The following ARHGAP24 variants were observed in gnomAD, a reference collection of about 807,000 sequenced individuals.
ARHGAP24 encodes Rho GTPase activating protein 24.
ARHGAP24 carries 50 observed loss-of-function variants against 76.4 expected under a neutral mutation model. That is an observed-to-expected ratio of 0.65 (90% confidence interval 0.52 to 0.83). The LOEUF (loss-of-function observed/expected upper bound fraction) is 0.83, where lower values mean the gene tolerates loss of function less well. Ranked by LOEUF, ARHGAP24 falls within the 40% of genes least tolerant of loss-of-function variation. The pLI is 0.00. For synonymous variants in ARHGAP24, 345 were observed against 323.3 expected (o/e 1.07, Z -0.72); for missense variants, 930 against 914.2 (o/e 1.02, Z -0.22).
intron 8 of ARHGAP24, among the ~76,000 whole-genome samples, chr4:85,992,377 A>G (rs981255017): frequency 1.3e-5 from 2 of 152,086 alleles, no homozygotes; most frequent in African/African-American, 4.8e-5. Flanking sequence ...TAGGGACCTG[A>G]CACTCATACT....
chr4:85,751,766 A>G (rs1726274990), intron 3 of ARHGAP24, among the ~76,000 whole-genome samples: 3 of 152,318 alleles, frequency 2.0e-5, no homozygotes, highest in East Asian at 3.9e-4. Context: ...TGAAAGCACC[A>G]TTATAGGAAT....
At chr4:85,625,156 G>C (rs1720893673) in intron 2 of ARHGAP24, among the ~76,000 whole-genome samples, 1 of 152,036 alleles carries the variant, frequency 6.6e-6, no homozygotes, top group African/African-American at 2.4e-5. Flanking sequence ...TCTTTTAATT[G>C]TGATGTTAGG....
At chr4:85,479,934 T>C (rs1430540828) in intron 1 of ARHGAP24, among the ~76,000 whole-genome samples, 1 of 152,178 alleles carries the variant, frequency 6.6e-6, no homozygotes, top group East Asian at 1.9e-4. Flanking sequence ...AAAGCTCAAG[T>C]TCCTCCTTAT....
At chr4:85,915,746 G>A (rs1253340451) in intron 3 of ARHGAP24, among the ~76,000 whole-genome samples, 1 of 152,184 alleles carries the variant, frequency 6.6e-6, no homozygotes, top group African/African-American at 2.4e-5. Flanking sequence ...CAAAGGAAAT[G>A]AACTCATCCT....
At chr4:85,929,196 C>T (rs1362441126) in intron 4 of ARHGAP24, among the ~76,000 whole-genome samples, 1 of 152,194 alleles carries the variant, frequency 6.6e-6, no homozygotes, top group African/African-American at 2.4e-5. Flanking sequence ...TGCTGAGTTA[C>T]ACTTTGTGGT....
rs368732992 is a variant in ARHGAP24, at chr4:85,694,555, A to T, written c.181-27330A>T. On this transcript the variant is annotated intron_variant, in intron 2 of 9. Coordinates refer to ENST00000395184, the MANE Select transcript of ARHGAP24 (RefSeq NM_001025616.3). Reference sequence around the variant, plus strand: ...TAGTACTAGTAGCATTAATTTTTATAATCTCTAAATGACTAGAAAATGTTT... The same window carrying T: ...TAGTACTAGTAGCATTAATTTTTATTATCTCTAAATGACTAGAAAATGTTT... Among the ~76,000 whole-genome samples the T allele has an allele frequency of 2.0e-3, 308 of 152,256 alleles. 3 individuals carry two copies. Among genetic ancestry groups the T allele is most frequent in the Middle Eastern group, 0.014 (4 of 294 alleles).
chr4:85,673,664 A>T (rs763471837), intron 2 of ARHGAP24, among the ~76,000 whole-genome samples: 5 of 145,416 alleles, frequency 3.4e-5, no homozygotes, highest in Non-Finnish European at 7.6e-5. Context: ...CATCCTCTCA[A>T]TGCTTAGATC....
intron 9 of ARHGAP24, among the ~76,000 whole-genome samples, chr4:85,997,345 G>GAT (rs1553952396): frequency 9.8e-4 from 122 of 124,408 alleles, no homozygotes; most frequent in Non-Finnish European, 1.4e-3. Flanking sequence ...GATAGATAGA[G>GAT]AGATAGATAA....
At chr4:85,730,107 C>CAA (rs2110051095) in intron 3 of ARHGAP24, among the ~76,000 whole-genome samples, 1 of 152,258 alleles carries the variant, frequency 6.6e-6, no homozygotes, top group East Asian at 1.9e-4. Context: ...AATATCTATG[C>CAA]TTTAAATCAC....
chr4:85,792,151 A>T (rs11342925), intron 3 of ARHGAP24, among the ~76,000 whole-genome samples: 3 of 83,638 alleles, frequency 3.6e-5, no homozygotes, highest in Admixed American at 1.0e-4. Context: ...GCTTTTTTTT[A>T]AATGAGCTTG....
intron 2 of ARHGAP24, among the ~76,000 whole-genome samples, chr4:85,638,072 A>G (rs1721390756): frequency 6.6e-6 from 1 of 152,102 alleles, no homozygotes; most frequent in Non-Finnish European, 1.5e-5. Flanking sequence ...CAGGCCAGGA[A>G]TATGGCAAAG....
At chr4:85,803,970 G>T (rs1165522123) in intron 3 of ARHGAP24, among the ~76,000 whole-genome samples, 7 of 138,248 alleles carry the variant, frequency 5.1e-5, no homozygotes, top group Non-Finnish European at 1.5e-5. Flanking sequence ...TTTTTTCCTC[G>T]AGATGAAGTC....
chr4:85,696,990 C>G (rs947411301), intron 2 of ARHGAP24, among the ~76,000 whole-genome samples: 2 of 152,030 alleles, frequency 1.3e-5, no homozygotes, highest in African/African-American at 4.8e-5. Context: ...GGGATATAAT[C>G]GTGAGCAATA....
intron 5 of ARHGAP24, among the ~76,000 whole-genome samples, chr4:85,968,184 C>A (rs1738745627): frequency 6.6e-6 from 1 of 152,026 alleles, no homozygotes; most frequent in African/African-American, 2.4e-5. Flanking sequence ...TCTCGTATCT[C>A]AGTGATTAGC....
intron 2 of ARHGAP24, among the ~76,000 whole-genome samples, chr4:85,657,416 AT>A (rs941536995): frequency 6.6e-6 from 1 of 152,016 alleles, no homozygotes; most frequent in Non-Finnish European, 1.5e-5. Context: ...TTTAAGAAGG[AT>A]TTTTTTTCAA....
At chr4:85,805,950 C>T (rs1421652061) in intron 3 of ARHGAP24, among the ~76,000 whole-genome samples, 1 of 152,098 alleles carries the variant, frequency 6.6e-6, no homozygotes, top group Non-Finnish European at 1.5e-5. Flanking sequence ...TCAGGGCCTC[C>T]TAGACTCTCA....
intron 2 of ARHGAP24, among the ~76,000 whole-genome samples, chr4:85,640,255 A>C (rs1040471109): frequency 2.6e-5 from 4 of 152,144 alleles, no homozygotes; most frequent in Non-Finnish European, 5.9e-5. Context: ...CAAACGAACC[A>C]ATTCTAAACC....
intron 3 of ARHGAP24, among the ~76,000 whole-genome samples, chr4:85,814,362 G>A (rs1729146308): frequency 6.6e-6 from 1 of 152,156 alleles, no homozygotes; most frequent in African/African-American, 2.4e-5. Context: ...GACAAGGCAA[G>A]TCCCTTCCAC....
intron 4 of ARHGAP24, among the ~76,000 whole-genome samples, chr4:85,938,143 C>T (rs1280862558): frequency 6.6e-6 from 1 of 152,116 alleles, no homozygotes; most frequent in African/African-American, 2.4e-5. Context: ...ATAAATTCAC[C>T]TGTGTGATTT....
Sources: gnomAD v4.1 joint callset for allele counts (sites outside exome capture counted in the v4.1 genomes callset) on GRCh38, gnomAD v4.1.1 for gene constraint, MANE v1.5 for transcripts, NCBI Gene and HGNC (gene_info 2026-07-23, HGNC 2026-07-21) for gene names.